The following TEX12 variants were observed in gnomAD, a reference collection of about 807,000 sequenced individuals.
TEX12 encodes the protein testis-expressed protein 12.
TEX12 carries 7 observed loss-of-function variants against 14.6 expected under a neutral mutation model. The ratio of observed to expected loss-of-function variants is 0.48; its 90% CI spans 0.27 to 0.90. TEX12 has a LOEUF of 0.90. TEX12 is among the 40% of genes least tolerant of loss of function. The pLI is 0.12. For missense variants in TEX12, 121 were observed against 135.7 expected (o/e 0.89, Z 0.54); for synonymous variants, 57 against 49.1 (o/e 1.16, Z -0.67).
rs879083662 is a variant in TEX12 at position 112,169,203 on chromosome 11, T to A, written c.-16-50T>A. 6.4e-5 allele frequency: 79 copies of A among 1,235,848 alleles called. No homozygotes were observed. The South Asian group carries it at 8.8e-4, about 14-fold the overall frequency. The allele number at this position is 1,235,848 out of a possible 1,614,324, so 76.6% of individuals were successfully genotyped here. On this transcript the variant is annotated intron_variant, in intron 1 of 4. Coordinates refer to ENST00000280358, the MANE Select transcript of TEX12 (RefSeq NM_031275.4). ...GAAACAGGGAAGGATTCCAGAGAGC[T>A]TGTAGCATGGAGTTTGTACCTAAAT...
chr11:112,167,610 TCG>T (rs1284279957), intron 1 of TEX12, 123 bp downstream of exon 1: 1 of 152,148 alleles, frequency 6.6e-6, no homozygotes, highest in Non-Finnish European at 1.5e-5. Context: ...GGGGCTAGGA[TCG>T]CGTTGAGAAG....
chr11:112,171,384 G>A (rs1349568286), intron 4 of TEX12, among the ~76,000 whole-genome samples: 2 of 151,878 alleles, frequency 1.3e-5, no homozygotes, highest in Admixed American at 6.6e-5. Context: ...AGGGATGACT[G>A]TATTTATATT....
At chr11:112,169,531 G>A (rs1866766603) in intron 2 of TEX12, among the ~76,000 whole-genome samples, 200 bp downstream of exon 2, 1 of 152,156 alleles carries the variant, frequency 6.6e-6, no homozygotes, top group South Asian at 2.1e-4. Flanking sequence ...AGAAACTATT[G>A]GGAGATTTCT....
At position 112,172,048 on chromosome 11, in the gene TEX12, A is replaced by T; in HGVS notation, c.*132A>T. ...CGAATAGAGAAGGGGAAACTCCTTG[A>T]ATTTCTAGGTTTAAAAAGGAACTTT... On this transcript the variant is annotated 3_prime_UTR_variant, in exon 5 of 5. Coordinates refer to ENST00000280358, the MANE Select transcript of TEX12 (RefSeq NM_031275.4). The T allele has an allele frequency of 1.6e-6, 1 of 632,222 alleles. No individual in the cohort carries two copies. Among genetic ancestry groups the T allele is most frequent in the Non-Finnish European group, 2.4e-6 (1 of 424,884 alleles). The allele number at this position is 632,222 out of a possible 1,614,324, so 39.2% of individuals were successfully genotyped here. A position where few individuals can be genotyped will look rare whatever the true frequency, so the allele number is the denominator to read the frequency against.
chr11:112,168,601 G>C (rs1866753674), intron 1 of TEX12, among the ~76,000 whole-genome samples: 2 of 151,764 alleles, frequency 1.3e-5, no homozygotes, highest in Admixed American at 6.6e-5. Flanking sequence ...GCCCAGGCTG[G>C]AGTGCAATGG....
At chr11:112,170,149 A>C (rs1866773261) in intron 2 of TEX12, among the ~76,000 whole-genome samples, 2 of 152,224 alleles carry the variant, frequency 1.3e-5, no homozygotes, top group African/African-American at 4.8e-5. Flanking sequence ...ACTTTGGCCT[A>C]GGTGACAGAG....
chr11:112,170,714 G>A (rs1227935718), intron 4 of TEX12, 40 bp downstream of exon 4: 1 of 1,513,162 alleles, frequency 6.6e-7, no homozygotes, highest in African/African-American at 1.4e-5. Flanking sequence ...CTTTATGTTA[G>A]TTTTCTTCTG....
At chr11:112,170,852 A>C (rs1412224314) in intron 4 of TEX12, among the ~76,000 whole-genome samples, 178 bp downstream of exon 4, 1 of 152,146 alleles carries the variant, frequency 6.6e-6, no homozygotes, top group Admixed American at 6.6e-5. Flanking sequence ...GAATAGCGTC[A>C]ACTTTTCCAC....
intron 4 of TEX12, 86 bp downstream of exon 4, chr11:112,170,760 C>A: frequency 1.0e-6 from 1 of 999,092 alleles, no homozygotes. Flanking sequence ...TCTGTGGCTG[C>A]CAAACCTCTC....
chr11:112,167,740 C>T (rs1468884363), intron 1 of TEX12, among the ~76,000 whole-genome samples: 1 of 152,122 alleles, frequency 6.6e-6, no homozygotes, highest in East Asian at 1.9e-4. Context: ...TGGCACACGA[C>T]GAAGACCAGC....
At chr11:112,171,545 TATA>T (rs781673979) in intron 4 of TEX12, among the ~76,000 whole-genome samples, 1 of 152,070 alleles carries the variant, frequency 6.6e-6, no homozygotes, top group Non-Finnish European at 1.5e-5. Context: ...ATATTAGTGT[TATA>T]ATGTATAAGA....
At chr11:112,170,224 T>G (rs964218421) in intron 2 of TEX12, among the ~76,000 whole-genome samples, 195 bp from the exon 3 acceptor site, 6 of 152,176 alleles carry the variant, frequency 3.9e-5, no homozygotes, top group South Asian at 2.1e-4. Flanking sequence ...AAATAAAATT[T>G]AATATATTGA....
chr11:112,171,100 T>A (rs1431283258), intron 4 of TEX12, among the ~76,000 whole-genome samples: 1 of 152,066 alleles, frequency 6.6e-6, no homozygotes, highest in Non-Finnish European at 1.5e-5. Flanking sequence ...TTGAAAATAT[T>A]TGGAAAAAAA....
rs1866794091 is a variant in TEX12 at position 112,171,804 on chromosome 11, A to G, written c.260A>G (p.Asp87Gly). Reference sequence around the variant, plus strand: ...GCAGCAGTAGATGCATCTTACATTGATGAGATAGATGAACTCTTCAAAGAA... The same window carrying G: ...GCAGCAGTAGATGCATCTTACATTGGTGAGATAGATGAACTCTTCAAAGAA... ...ERAAVDASYIDEIDELFKEAN... is the reference protein window; with the variant it reads ...ERAAVDASYIGEIDELFKEAN... The change falls in exon 5 of 5, where the codon GAT (aspartate) becomes GGT (glycine). Residue 87 changes from aspartate (D) to glycine (G), a missense_variant. Transcript: ENST00000280358. 2 of 1,583,168 alleles carry G rather than the reference A, an allele frequency of 1.3e-6. No individual in the cohort carries two copies. Among genetic ancestry groups the G allele is most frequent in the African/African-American group, 2.7e-5 (2 of 73,320 alleles).
intron 2 of TEX12, 146 bp downstream of exon 2, chr11:112,169,477 A>G: frequency 4.8e-6 from 3 of 621,548 alleles, no homozygotes; most frequent in Non-Finnish European, 8.3e-6. Context: ...CATAGGAGGA[A>G]CTATGTTGAT....
At chr11:112,170,341 C>G (rs982665773) in intron 2 of TEX12, 78 bp from the exon 3 acceptor site, 12 of 1,004,750 alleles carry the variant, frequency 1.2e-5, no homozygotes, top group Non-Finnish European at 1.5e-5. Context: ...GTTTTATTTG[C>G]TTTTTCTTAA....
In TEX12 at chr11:112,170,623, A is replaced by G. The variant is rs773775176; in HGVS notation, c.176A>G (p.Asp59Gly). The G allele has an allele frequency of 6.2e-7, 1 of 1,611,398 alleles. No individual in the cohort carries two copies. The stretch of plus-strand genomic sequence containing the variant: ...AACTTAAATGATTTTTCTTGAACAG[A>G]TGTGAGCAAGGAAATTAATCTAATG... Reference protein sequence around the residue: ...KDEALEKDLNDVSKEINLMLS... With the variant: ...KDEALEKDLNGVSKEINLMLS... Residue 59 changes from aspartate to glycine, a missense_variant and splice_region_variant, in exon 4 of 5, where the codon GAT becomes GGT. Coordinates refer to ENST00000280358, the MANE Select transcript of TEX12 (RefSeq NM_031275.4).
chr11:112,167,741 G>A lies in TEX12; in HGVS notation c.-17+254G>A, dbSNP rs115391441. ...CAGTGGTCAGTGTTTGGCACACGAC[G>A]AAGACCAGCCCGTCCACCAGGCCTG... On this transcript the variant is annotated intron_variant, in intron 1 of 4. Coordinates refer to ENST00000280358, the MANE Select transcript of TEX12 (RefSeq NM_031275.4). 3.9e-3 allele frequency among the ~76,000 whole-genome samples: 595 copies of A among 152,260 alleles called. 6 individuals are homozygous for A. The highest frequency in any genetic ancestry group is 0.014 in the African/African-American group (565 of 41,516).
chr11:112,170,598 A>G lies in TEX12; in HGVS notation c.176-25A>G, dbSNP rs755290258. ...ATGCAGAAGGTTTGTTATATTTTAT[A>G]ACTTAAATGATTTTTCTTGAACAGA... On this transcript the variant is annotated intron_variant, in intron 3 of 4. Transcript: ENST00000280358. 5 of 1,603,814 alleles carry G rather than the reference A, an allele frequency of 3.1e-6. No individual in the cohort carries two copies. In the African/African-American group the frequency reaches 6.7e-5, roughly 21 times the overall value.
Sources: gnomAD v4.1 joint callset for allele counts (sites outside exome capture counted in the v4.1 genomes callset) on GRCh38, gnomAD v4.1.1 for gene constraint, MANE v1.5 for transcripts, NCBI Gene and HGNC (gene_info 2026-07-23, HGNC 2026-07-21) for gene names.